The following BACH2 variants were observed in gnomAD, a reference collection of about 807,000 sequenced individuals.
The protein encoded by BACH2 is BACH transcriptional regulator 2.
In BACH2, 5 loss-of-function variants were observed where a neutral mutation model predicts 61.8. That is an observed-to-expected ratio of 0.08 (90% confidence interval 0.04 to 0.17). The LOEUF is 0.17. Ranked by LOEUF, BACH2 falls within the 10% of genes least tolerant of loss-of-function variation. The pLI is 1.00. For synonymous variants in BACH2, 446 were observed against 440.1 expected, an observed-to-expected ratio of 1.01 and a Z score of -0.17; for missense variants, 824 against 1,091.1, an observed-to-expected ratio of 0.76 and a Z score of 3.45.
At chr6:90,093,952 A>T (rs1025044189) in intron 4 of BACH2, among the ~76,000 whole-genome samples, 3 of 152,170 alleles carry the variant, frequency 2.0e-5, no homozygotes, top group Non-Finnish European at 4.4e-5. Context: ...ACTGTTAGAG[A>T]AGTTGGGGGA....
At chr6:90,283,961 C>T (rs1338488809) in intron 1 of BACH2, among the ~76,000 whole-genome samples, 5 of 151,702 alleles carry the variant, frequency 3.3e-5, no homozygotes, top group Non-Finnish European at 7.4e-5. Flanking sequence ...GGGCCGAGAT[C>T]GCACCACTGC....
At chr6:89,978,671 C>T (rs1228915436) in intron 6 of BACH2, among the ~76,000 whole-genome samples, 1 of 132,536 alleles carries the variant, frequency 7.5e-6, no homozygotes, top group African/African-American at 2.8e-5. Flanking sequence ...AAATAAACAG[C>T]AGAACATTAG....
intron 4 of BACH2, among the ~76,000 whole-genome samples, chr6:90,203,261 A>C (rs574285665): frequency 6.6e-6 from 1 of 151,598 alleles, no homozygotes. Context: ...AAATACAAAA[A>C]TTAGCCAGGT....
chr6:90,039,735 A>AAAAAC (rs1224597977), intron 5 of BACH2, among the ~76,000 whole-genome samples: 3 of 152,206 alleles, frequency 2.0e-5, no homozygotes, highest in Non-Finnish European at 4.4e-5. Flanking sequence ...TACCAAACTT[A>AAAAAC]AAAACAAAAC....
At chr6:90,068,090 A>T (rs1284101328) in intron 5 of BACH2, among the ~76,000 whole-genome samples, 2 of 152,178 alleles carry the variant, frequency 1.3e-5, no homozygotes, top group African/African-American at 4.8e-5. Context: ...CACTTATTCT[A>T]ATTATGTTGT....
At chr6:90,063,549 T>C (rs1218282985) in intron 5 of BACH2, among the ~76,000 whole-genome samples, 1 of 152,214 alleles carries the variant, frequency 6.6e-6, no homozygotes, top group Non-Finnish European at 1.5e-5. Flanking sequence ...AGAGGTGACT[T>C]ACAGGTTTTG....
intron 4 of BACH2, among the ~76,000 whole-genome samples, chr6:90,178,979 A>G (rs1206874008): frequency 1.3e-5 from 2 of 152,182 alleles, no homozygotes; most frequent in Non-Finnish European, 2.9e-5. Flanking sequence ...TAAATGGTTT[A>G]CATTTTTTAT....
At chr6:90,251,472 A>C (rs1770807502) in intron 3 of BACH2, among the ~76,000 whole-genome samples, 1 of 143,694 alleles carries the variant, frequency 7.0e-6, no homozygotes, top group Non-Finnish European at 1.6e-5. Flanking sequence ...AGAAACATTT[A>C]AAAATAGCCA....
intron 4 of BACH2, among the ~76,000 whole-genome samples, chr6:90,194,347 G>GA (rs559564878): frequency 1.3e-5 from 2 of 151,554 alleles, no homozygotes; most frequent in Non-Finnish European, 2.9e-5. Flanking sequence ...CTGACATGAA[G>GA]AAAAAATGAA....
chr6:90,048,309 C>A (rs1332078875), intron 5 of BACH2, among the ~76,000 whole-genome samples: 3 of 151,892 alleles, frequency 2.0e-5, no homozygotes, highest in African/African-American at 7.3e-5. Flanking sequence ...TTGTGTTTTT[C>A]GTAGAGACAG....
At chr6:89,964,722 T>C (rs1774952581) in intron 6 of BACH2, among the ~76,000 whole-genome samples, 1 of 152,326 alleles carries the variant, frequency 6.6e-6, no homozygotes, top group South Asian at 2.1e-4. Flanking sequence ...CTATTTGACC[T>C]AATTCTGTAC....
chr6:90,269,711 C>T (rs1310417457), intron 2 of BACH2, among the ~76,000 whole-genome samples: 4 of 152,124 alleles, frequency 2.6e-5, no homozygotes, highest in African/African-American at 9.7e-5. Context: ...CAAATAGCAG[C>T]CCCAAGTGTG....
At chr6:89,978,358 A>G (rs1458852037) in intron 6 of BACH2, among the ~76,000 whole-genome samples, 1 of 152,240 alleles carries the variant, frequency 6.6e-6, no homozygotes, top group Non-Finnish European at 1.5e-5. Context: ...CTGCAGAAAC[A>G]CTGCCAAAAG....
At chr6:90,092,291 A>AATATATATAT (rs1167228249) in intron 4 of BACH2, among the ~76,000 whole-genome samples, 1 of 113,826 alleles carries the variant, frequency 8.8e-6, no homozygotes, top group Admixed American at 8.6e-5. Context: ...AAAAAAAAAA[A>AATATATATAT]ATATATATAT....
In BACH2 at chr6:89,985,037, C is replaced by T. The variant is rs188577585; in HGVS notation, c.243+23565G>A. 2.4e-3 allele frequency among the ~76,000 whole-genome samples: 362 copies of T among 152,268 alleles called. 3 individuals carry two copies. Among genetic ancestry groups the T allele is most frequent in the Middle Eastern group, 0.014 (4 of 294 alleles). ...TCGGGCAGGAGACATTTGGCCGTGC[C>T]TTTCCTATTTTCCAGGGATAGGACT... On this transcript the variant is annotated intron_variant, in intron 6 of 8. Coordinates refer to ENST00000257749, the MANE Select transcript of BACH2 (RefSeq NM_021813.4).
chr6:90,208,082 A>C (rs1048132459), intron 3 of BACH2, among the ~76,000 whole-genome samples: 5 of 152,218 alleles, frequency 3.3e-5, no homozygotes, highest in African/African-American at 1.2e-4. Context: ...CTTAAATGTA[A>C]GATCTAAAAC....
intron 5 of BACH2, among the ~76,000 whole-genome samples, chr6:90,036,173 T>C (rs1311286666): frequency 6.7e-6 from 1 of 148,640 alleles, no homozygotes; most frequent in African/African-American, 2.5e-5. Flanking sequence ...TTTTTTTTTC[T>C]GGGCTACATG....
chr6:90,170,275 A>C (rs1203326288), intron 4 of BACH2, among the ~76,000 whole-genome samples: 1 of 152,224 alleles, frequency 6.6e-6, no homozygotes, highest in Non-Finnish European at 1.5e-5. Context: ...TTATTTTAAA[A>C]AGAATAATGA....
chr6:89,933,978 T>C (rs1397570997), intron 8 of BACH2, among the ~76,000 whole-genome samples: 2 of 150,426 alleles, frequency 1.3e-5, no homozygotes, highest in Non-Finnish European at 3.0e-5. Context: ...AGTGAGACCC[T>C]GTCTCCCCGC....
Sources: gnomAD v4.1 joint callset for allele counts (sites outside exome capture counted in the v4.1 genomes callset) on GRCh38, gnomAD v4.1.1 for gene constraint, MANE v1.5 for transcripts, NCBI Gene and HGNC (gene_info 2026-07-23, HGNC 2026-07-21) for gene names.